Variants in DAPK2 observed in about 807,000 individuals in gnomAD.
DAPK2 encodes the protein death associated protein kinase 2.
DAPK2 carries 35 observed loss-of-function variants against 44.1 expected under a neutral mutation model. The ratio of observed to expected loss-of-function variants is 0.79; its 90% CI spans 0.61 to 1.05. The LOEUF (loss-of-function observed/expected upper bound fraction) is 1.05, where lower values mean the gene tolerates loss of function less well. Among genes scored for constraint, DAPK2 ranks in the 50% least tolerant of loss-of-function variants. The probability of loss-of-function intolerance (pLI) is 0.00; values close to 1 mark genes in which losing one functional copy is unlikely to be tolerated. For missense variants in DAPK2, 453 were observed against 483.2 expected (o/e 0.94, Z 0.59); for synonymous variants, 174 against 182.6 (o/e 0.95, Z 0.38).
At chr15:63,961,747 C>T (rs1051759258) in intron 3 of DAPK2, among the ~76,000 whole-genome samples, 1 of 152,164 alleles carries the variant, frequency 6.6e-6, no homozygotes, top group South Asian at 2.1e-4. Context: ...GTGGGTAACC[C>T]GACCTTTCTC....
intron 1 of DAPK2, among the ~76,000 whole-genome samples, chr15:63,993,474 T>G (rs2078870285): frequency 6.6e-6 from 1 of 152,112 alleles, no homozygotes; most frequent in Non-Finnish European, 1.5e-5. Context: ...ACCAGGATCT[T>G]AAGGCCTGAG....
At chr15:64,042,849 C>A (rs1344332868), upstream of DAPK2, among the ~76,000 whole-genome samples, 3 of 152,214 alleles carry the variant, frequency 2.0e-5, no homozygotes, top group Non-Finnish European at 4.4e-5. This position sits in a 1 kb window ranked among gnomAD's most constrained non-coding sequence, Gnocchi z 4.7. Flanking sequence ...TCCCACAAGA[C>A]CCAGCCAAAT....
intron 4 of DAPK2, among the ~76,000 whole-genome samples, chr15:63,938,799 C>T (rs892310311): frequency 5.3e-5 from 8 of 152,316 alleles, no homozygotes; most frequent in South Asian, 4.1e-4. Context: ...AGAGGAGAGG[C>T]GAGTGGGTGG....
intron 3 of DAPK2, among the ~76,000 whole-genome samples, chr15:63,961,742 T>C (rs923126942): frequency 6.6e-6 from 1 of 152,240 alleles, no homozygotes; most frequent in African/African-American, 2.4e-5. Context: ...CCTTTGTGGG[T>C]AACCCGACCT....
At chr15:64,000,557 T>A (rs1285849799) in intron 1 of DAPK2, among the ~76,000 whole-genome samples, 1 of 152,216 alleles carries the variant, frequency 6.6e-6, no homozygotes, top group Admixed American at 6.5e-5. Flanking sequence ...TAGCCATGTA[T>A]TCCTTAACAT....
intron 3 of DAPK2, among the ~76,000 whole-genome samples, chr15:63,969,033 G>T (rs1411542183): frequency 6.6e-6 from 1 of 152,162 alleles, no homozygotes; most frequent in East Asian, 1.9e-4. Context: ...AGGTCCAAAG[G>T]CCTGCCCAGG....
intron 1 of DAPK2, among the ~76,000 whole-genome samples, chr15:63,988,137 T>C (rs1423629706): frequency 1.3e-5 from 2 of 152,032 alleles, no homozygotes; most frequent in African/African-American, 4.8e-5. Flanking sequence ...ACACCCCTCT[T>C]CCCAGGCAGA....
chr15:64,014,743 A>G (rs1168137209), intron 1 of DAPK2, among the ~76,000 whole-genome samples: 2 of 152,186 alleles, frequency 1.3e-5, no homozygotes, highest in Non-Finnish European at 2.9e-5. Flanking sequence ...AACATAGTGA[A>G]ACCCCGTCTC....
Position 64,001,474 on chromosome 15 carries a change from C to A in DAPK2, c.93-17720G>T, listed in dbSNP as rs574859951. On this transcript the variant is annotated intron_variant, in intron 1 of 10. Transcript: ENST00000261891. Reference sequence around the variant, plus strand: ...AGAGCAAATACACAGCCTAAGAAGACAACAGCCTCTTCCCACTTGAGGAGG... The same window carrying A: ...AGAGCAAATACACAGCCTAAGAAGAAAACAGCCTCTTCCCACTTGAGGAGG... Among the ~76,000 whole-genome samples the A allele has an allele frequency of 3.1e-4, 47 of 152,164 alleles. 1 individual carries two copies. Among genetic ancestry groups the A allele is most frequent in the Non-Finnish European group, 6.3e-4 (43 of 68,026 alleles).
chr15:63,963,609 G>A (rs2077973429), intron 3 of DAPK2, among the ~76,000 whole-genome samples: 1 of 152,086 alleles, frequency 6.6e-6, no homozygotes, highest in Non-Finnish European at 1.5e-5. Context: ...TGGTTGTTTT[G>A]TTGTCTTCTT....
intron 3 of DAPK2, among the ~76,000 whole-genome samples, chr15:63,945,787 G>A (rs962038009): frequency 6.6e-6 from 1 of 152,192 alleles, no homozygotes; most frequent in African/African-American, 2.4e-5. Context: ...GGGCTCTGCA[G>A]TTTCGAGATG....
intron 8 of DAPK2, among the ~76,000 whole-genome samples, chr15:63,914,932 A>G (rs1229164804): frequency 2.6e-5 from 4 of 152,102 alleles, no homozygotes; most frequent in African/African-American, 7.2e-5. Context: ...CCAATATTCT[A>G]TTCTGTATTT....
upstream of DAPK2, among the ~76,000 whole-genome samples, chr15:64,044,485 G>A (rs2080415475): frequency 6.6e-6 from 1 of 152,178 alleles, no homozygotes; most frequent in African/African-American, 2.4e-5. Flanking sequence ...AACCACTGCT[G>A]TCTGGTCTAA....
At chr15:64,022,217 G>A (rs988404900) in intron 1 of DAPK2, among the ~76,000 whole-genome samples, 4 of 152,168 alleles carry the variant, frequency 2.6e-5, no homozygotes, top group African/African-American at 9.7e-5. Context: ...GTGGCTACTG[G>A]GTGATCTCAC....
intron 3 of DAPK2, among the ~76,000 whole-genome samples, chr15:63,958,134 T>C (rs1190295392): frequency 6.6e-6 from 1 of 152,246 alleles, no homozygotes; most frequent in East Asian, 1.9e-4. Context: ...TTCATGTCTG[T>C]TGGCTGCATA....
chr15:64,006,218 C>T (rs765666623), intron 1 of DAPK2, among the ~76,000 whole-genome samples: 62 of 152,104 alleles, frequency 4.1e-4, no homozygotes, highest in Non-Finnish European at 7.2e-4. Flanking sequence ...CCCAGACCAA[C>T]CTGATCCTTC....
At chr15:64,011,483 C>G (rs891496327) in intron 1 of DAPK2, among the ~76,000 whole-genome samples, 2 of 152,182 alleles carry the variant, frequency 1.3e-5, no homozygotes, top group Non-Finnish European at 2.9e-5. Flanking sequence ...ATCGCTTAAA[C>G]CCAGGAGGCG....
At position 64,046,230 on chromosome 15, in the gene DAPK2, C is replaced by G; in HGVS notation, c.-7+68G>C. 1 of 678,562 alleles carries G rather than the reference C, an allele frequency of 1.5e-6. No homozygotes were observed. Among genetic ancestry groups the G allele is most frequent in the Middle Eastern group, 7.3e-4 (1 of 1,370 alleles). 42.0% of individuals were successfully genotyped at this position (678,562 alleles called of 1,614,324 possible). A position where few individuals can be genotyped will look rare whatever the true frequency, so the allele number is the denominator to read the frequency against. ...CTCTTCGCCCCGCCAGCCCCAGACC[C>G]GGGCGCTGCTGCCGTCAGGCCGCGC... On this transcript the variant is annotated intron_variant, in intron 1 of 11. Coordinates refer to the DAPK2 transcript ENST00000457488. The surrounding 1 kb of genome is among the most constrained non-coding windows in gnomAD (Gnocchi z 5.3).
intron 1 of DAPK2, among the ~76,000 whole-genome samples, chr15:64,035,367 G>A (rs542518195): frequency 6.6e-6 from 1 of 152,084 alleles, no homozygotes; most frequent in Admixed American, 6.6e-5. Context: ...CTTCCCAAAG[G>A]CTCATCCTTC....
Sources: gnomAD v4.1 joint callset for allele counts (sites outside exome capture counted in the v4.1 genomes callset) on GRCh38, gnomAD v4.1.1 for gene constraint, Gnocchi (gnomAD v3.1) non-coding constraint, MANE v1.5 for transcripts, NCBI Gene and HGNC (gene_info 2026-07-23, HGNC 2026-07-21) for gene names.